The following RYR2 variants were observed in gnomAD, a reference collection of about 807,000 sequenced individuals.
RYR2 encodes cardiac muscle ryanodine receptor-calcium release channel.
Under a neutral mutation model 601.1 loss-of-function variants are expected in RYR2, and 227 were observed. The ratio of observed to expected loss-of-function variants is 0.38; its 90% CI spans 0.34 to 0.42. The LOEUF (loss-of-function observed/expected upper bound fraction) is 0.42, where lower values mean the gene tolerates loss of function less well. Ranked by LOEUF, RYR2 falls within the 10% of genes least tolerant of loss-of-function variation. The probability of loss-of-function intolerance (pLI) is 1.00; values close to 1 mark genes in which losing one functional copy is unlikely to be tolerated. For missense variants in RYR2, 4,646 were observed against 6,156.5 expected, an observed-to-expected ratio of 0.75 and a Z score of 8.21; for synonymous variants, 2,223 against 2,175.1, an observed-to-expected ratio of 1.02 and a Z score of -0.61.
At chr1:237,413,547 T>A (rs1204366566) in intron 10 of RYR2, among the ~76,000 whole-genome samples, 1 of 152,188 alleles carries the variant, frequency 6.6e-6, no homozygotes, top group African/African-American at 2.4e-5. Flanking sequence ...CTTTTAAAAA[T>A]GTTTTGAACT....
At chr1:237,671,313 G>T (rs1684905330) in intron 58 of RYR2, among the ~76,000 whole-genome samples, 1 of 152,156 alleles carries the variant, frequency 6.6e-6, no homozygotes, top group Admixed American at 6.5e-5. Flanking sequence ...GTTACAGACT[G>T]TGGCCAGTTT....
At chr1:237,493,373 T>C (rs1041080186) in intron 19 of RYR2, among the ~76,000 whole-genome samples, 1 of 152,202 alleles carries the variant, frequency 6.6e-6, no homozygotes. Flanking sequence ...CCCTGACAAC[T>C]GTATAGGTAT....
chr1:237,162,314 T>C (rs1204664787), intron 1 of RYR2, among the ~76,000 whole-genome samples: 1 of 152,090 alleles, frequency 6.6e-6, no homozygotes, highest in Non-Finnish European at 1.5e-5. Context: ...GAACACGCCA[T>C]CACATAATTA....
chr1:237,451,832 T>C (rs1658162520), intron 14 of RYR2, among the ~76,000 whole-genome samples: 1 of 152,052 alleles, frequency 6.6e-6, no homozygotes. Flanking sequence ...ACTTATTACA[T>C]ATTAAGAGAC....
chr1:237,591,098 C>T (rs1418520740), intron 31 of RYR2, 106 bp downstream of exon 31: 5 of 241,392 alleles, frequency 2.1e-5, no homozygotes, highest in Non-Finnish European at 3.7e-5. Flanking sequence ...TTCTCCTCCT[C>T]CTCCTCCTCC....
rs199498105 is a variant in RYR2, at chr1:237,717,326, G to T, written c.10452G>T (p.Gly3484=). 199 of 1,611,064 alleles carry T rather than the reference G, an allele frequency of 1.2e-4. No individual in the cohort carries two copies. Among genetic ancestry groups the T allele is most frequent in the Non-Finnish European group, 1.5e-4 (175 of 1,178,196 alleles). Residue 3484 remains glycine (G), a synonymous_variant, in exon 72 of 105, where the codon GGG becomes GGT. Coordinates refer to ENST00000366574, the MANE Select transcript of RYR2 (RefSeq NM_001035.3). ...TTGGGTTGAACATCTGTGCCCCTGG[G>T]GACCAGGAGCTCATTGCTCTGGCCA... ...LPIGLNICAP[G]DQELIALAKN...
At chr1:237,544,820 C>T (rs540995359) in intron 25 of RYR2, among the ~76,000 whole-genome samples, 3 of 152,210 alleles carry the variant, frequency 2.0e-5, no homozygotes, top group African/African-American at 7.2e-5. Flanking sequence ...ATTGCTGTTA[C>T]CATTAATTCA....
chr1:237,769,446 C>T (rs957524885), intron 84 of RYR2, among the ~76,000 whole-genome samples: 2 of 152,110 alleles, frequency 1.3e-5, no homozygotes, highest in African/African-American at 4.8e-5. Flanking sequence ...GATTTGCATA[C>T]GTGGTGATTT....
intron 74 of RYR2, among the ~76,000 whole-genome samples, chr1:237,724,919 T>C (rs1199635984): frequency 6.6e-6 from 1 of 152,136 alleles, no homozygotes; most frequent in African/African-American, 2.4e-5. Context: ...ATATATCCAA[T>C]CATGATGAAT....
chr1:237,075,309 C>T (rs1224544585), intron 1 of RYR2, among the ~76,000 whole-genome samples: 2 of 151,872 alleles, frequency 1.3e-5, no homozygotes, highest in Non-Finnish European at 2.9e-5. Flanking sequence ...CGGTCTACAG[C>T]TCCCAGCGTG....
At chr1:237,095,946 C>G (rs2385608) in intron 1 of RYR2, among the ~76,000 whole-genome samples, 135,381 of 152,252 alleles carry the variant, frequency 0.89, 61,259 homozygotes, top group Non-Finnish European at 0.98. Flanking sequence ...GAGAAAACCA[C>G]CTTCCACTGG....
chr1:237,694,148 G>C (rs915876463), intron 63 of RYR2, among the ~76,000 whole-genome samples: 1 of 152,058 alleles, frequency 6.6e-6, no homozygotes, highest in South Asian at 2.1e-4. Context: ...CAAAAAATTA[G>C]CCGGGCGTGG....
At chr1:237,155,938 G>A (rs534132747) in intron 1 of RYR2, among the ~76,000 whole-genome samples, 9 of 152,290 alleles carry the variant, frequency 5.9e-5, no homozygotes, top group African/African-American at 2.2e-4. Context: ...GAGCCTGTAA[G>A]TATTTTTTAT....
rs1237063468 is a variant in RYR2, at chr1:237,654,255, T to C, written c.7825-19T>C. 6.2e-7 allele frequency: 1 copy of C among 1,611,510 alleles called. No individual in the cohort carries two copies. Among genetic ancestry groups the C allele is most frequent in the Non-Finnish European group, 8.5e-7 (1 of 1,179,074 alleles). ...AGGTTTTGATAGCTCATTGCTTTTATAATTGTTTTCCCACATAGCTGCTGA... is the reference window on the plus strand; with the variant it reads ...AGGTTTTGATAGCTCATTGCTTTTACAATTGTTTTCCCACATAGCTGCTGA... On this transcript the variant is annotated intron_variant, in intron 51 of 104. Coordinates refer to ENST00000366574, the MANE Select transcript of RYR2 (RefSeq NM_001035.3).
intron 1 of RYR2, among the ~76,000 whole-genome samples, chr1:237,173,916 G>A (rs1407146223): frequency 6.6e-6 from 1 of 152,092 alleles, no homozygotes; most frequent in Admixed American, 6.6e-5. Flanking sequence ...AATTAGCCTG[G>A]CGTGGTGGCG....
At chr1:237,238,454 A>G (rs181546103) in intron 1 of RYR2, among the ~76,000 whole-genome samples, 2 of 152,272 alleles carry the variant, frequency 1.3e-5, no homozygotes, top group African/African-American at 2.4e-5. Context: ...TAACCTGACT[A>G]CCTTGAACAC....
chr1:237,638,254 T>G, intron 44 of RYR2, 103 bp from the exon 45 acceptor site: 1 of 1,499,818 alleles, frequency 6.7e-7, no homozygotes. Flanking sequence ...AAAATGCATT[T>G]GTTTAAAAGC....
intron 17 of RYR2, among the ~76,000 whole-genome samples, chr1:237,479,599 A>G (rs1661806577): frequency 6.6e-6 from 1 of 151,218 alleles, no homozygotes; most frequent in South Asian, 2.1e-4. Flanking sequence ...TCCATCTTAA[A>G]AAATTCTCAG....
intron 1 of RYR2, among the ~76,000 whole-genome samples, chr1:237,114,313 A>G (rs1034091516): frequency 1.5e-4 from 23 of 152,192 alleles, no homozygotes; most frequent in African/African-American, 5.5e-4. Flanking sequence ...GATATGTGTA[A>G]TATCTTTTCT....
Sources: allele counts gnomAD v4.1 joint callset (sites outside exome capture counted in the v4.1 genomes callset), GRCh38; gene constraint gnomAD v4.1.1; transcripts MANE v1.5; gene names NCBI Gene and HGNC (gene_info 2026-07-23, HGNC 2026-07-21).